The following DYNLRB1 variants were observed in gnomAD, a reference collection of about 807,000 sequenced individuals.
The protein encoded by DYNLRB1 is dynein light chain roadblock-type 1, also known as ROBL/LC7-like 1.
A neutral mutation model predicts 13.5 loss-of-function variants in DYNLRB1; 6 were observed. The ratio of observed to expected loss-of-function variants is 0.44; its 90% confidence interval spans 0.24 to 0.88. The LOEUF (loss-of-function observed/expected upper bound fraction) is 0.88, where lower values mean the gene tolerates loss of function less well. Ranked by LOEUF, DYNLRB1 falls within the 40% of genes least tolerant of loss-of-function variation. DYNLRB1 has a pLI of 0.21. For synonymous variants in DYNLRB1, 43 were observed against 45.0 expected, an observed-to-expected ratio of 0.96 and a Z score of 0.18; for missense variants, 93 against 127.2, an observed-to-expected ratio of 0.73 and a Z score of 1.29.
intron 1 of DYNLRB1, among the ~76,000 whole-genome samples, chr20:34,523,214 C>A (rs1380791583): frequency 6.6e-6 from 1 of 152,128 alleles, no homozygotes; most frequent in African/African-American, 2.4e-5. Flanking sequence ...AAGCTTGTTT[C>A]CTTCAGACCG....
chr20:34,540,650 T>A lies in DYNLRB1; in HGVS notation c.*26T>A, dbSNP rs760312537. The A allele has an allele frequency of 6.2e-7, 1 of 1,611,264 alleles. No homozygotes were observed. Among genetic ancestry groups the A allele is most frequent in the Non-Finnish European group, 8.5e-7 (1 of 1,177,952 alleles). On this transcript the variant is annotated 3_prime_UTR_variant, in exon 4 of 4. Transcript: ENST00000357156. ...GCCACTCTCTTGGCTCCCTGTGTCA[T>A]TCCTTAATTTAATGCCCCCCAAGAA...
Position 34,533,017 on chromosome 20 carries a change from G to A in DYNLRB1, c.80-1611G>A, listed in dbSNP as rs192557122. Among the ~76,000 whole-genome samples the A allele has an allele frequency of 1.8e-3, 278 of 152,288 alleles. 1 individual carries two copies. Among genetic ancestry groups the A allele is most frequent in the African/African-American group, 6.2e-3 (259 of 41,558 alleles). ...ATTCCTCAAGTGCCTGTCAGCTGGC[G>A]GGCTCTTGGGGTCCCATGGATGGAG... On this transcript the variant is annotated intron_variant, in intron 2 of 3. Transcript: ENST00000357156.
At chr20:34,534,097 T>C (rs1980931075) in intron 2 of DYNLRB1, among the ~76,000 whole-genome samples, 1 of 152,172 alleles carries the variant, frequency 6.6e-6, no homozygotes, top group Non-Finnish European at 1.5e-5. Context: ...GCCACTGCAC[T>C]CCAGCCTGGG....
intron 1 of DYNLRB1, 37 bp downstream of exon 1, chr20:34,516,498 C>A: frequency 6.2e-7 from 1 of 1,610,738 alleles, no homozygotes; most frequent in East Asian, 2.2e-5. Flanking sequence ...TGGCGGCCGC[C>A]CACCACCCCA....
chr20:34,531,550 G>A (rs1980713759), intron 2 of DYNLRB1, among the ~76,000 whole-genome samples: 1 of 152,158 alleles, frequency 6.6e-6, no homozygotes, highest in Admixed American at 6.5e-5. Context: ...TTTCTTGTCT[G>A]TTTTACACAG....
chr20:34,516,120 C>G (rs1979143122), upstream of DYNLRB1, among the ~76,000 whole-genome samples: 1 of 151,528 alleles, frequency 6.6e-6, no homozygotes, highest in Non-Finnish European at 1.5e-5. Context: ...GTCTCGAACT[C>G]TTGGGCTCAA....
intron 1 of DYNLRB1, among the ~76,000 whole-genome samples, chr20:34,517,938 A>T (rs1979390216): frequency 6.6e-6 from 1 of 152,020 alleles, no homozygotes; most frequent in African/African-American, 2.4e-5. Context: ...CGCCTGGCCC[A>T]CATTTTCTTT....
chr20:34,529,101 G>A (rs1336690641), intron 2 of DYNLRB1, among the ~76,000 whole-genome samples: 2 of 152,216 alleles, frequency 1.3e-5, no homozygotes, highest in African/African-American at 4.8e-5. Context: ...TGGTACAGCA[G>A]TGCCTGTGTC....
At chr20:34,516,610 G>A in intron 1 of DYNLRB1, 149 bp downstream of exon 1, 1 of 1,510,174 alleles carries the variant, frequency 6.6e-7, no homozygotes, top group Non-Finnish European at 8.8e-7. Context: ...GCCGACTTGA[G>A]GGTGGAACCC....
chr20:34,533,964 TTGTCTC>T (rs1308051073), intron 2 of DYNLRB1, among the ~76,000 whole-genome samples: 4 of 152,070 alleles, frequency 2.6e-5, no homozygotes, highest in Admixed American at 2.6e-4. Context: ...TGGTGAAACC[TTGTCTC>T]TACTAAAAAT....
chr20:34,531,827 G>T (rs1980734878), intron 2 of DYNLRB1, among the ~76,000 whole-genome samples: 1 of 152,214 alleles, frequency 6.6e-6, no homozygotes, highest in Non-Finnish European at 1.5e-5. Context: ...GATGGGAAGT[G>T]TCACCCGAAG....
upstream of DYNLRB1, chr20:34,516,272 T>A (rs1218663440): frequency 1.1e-5 from 10 of 926,848 alleles, no homozygotes; most frequent in Non-Finnish European, 1.6e-5. Context: ...CTTTTCGCTT[T>A]GCCACAGTGG....
At chr20:34,516,366 A>G, upstream of DYNLRB1, 3 of 1,569,460 alleles carry the variant, frequency 1.9e-6, no homozygotes, top group South Asian at 2.3e-5. Flanking sequence ...AGGCAGCTAG[A>G]GCTGTCCGTT....
At chr20:34,533,307 C>T (rs1230074017) in intron 2 of DYNLRB1, among the ~76,000 whole-genome samples, 1 of 152,212 alleles carries the variant, frequency 6.6e-6, no homozygotes, top group Non-Finnish European at 1.5e-5. Context: ...CTGTGGACCG[C>T]TCACCTAGTG....
Position 34,535,357 on chromosome 20 carries a change from C to T in DYNLRB1, c.247+562C>T, listed in dbSNP as rs558347333. 46 of 985,314 alleles carry T rather than the reference C, an allele frequency of 4.7e-5. No homozygotes were observed. The South Asian group carries it at 5.2e-4, about 11-fold the overall frequency. 61.0% of individuals were successfully genotyped at this position (985,314 alleles called of 1,614,324 possible). Reference sequence around the variant, plus strand: ...CTTACAGCCAGCTTTTCCTGCCGCACGGGAGCAGATTGCTTTGTTTCCTTT... The same window carrying T: ...CTTACAGCCAGCTTTTCCTGCCGCATGGGAGCAGATTGCTTTGTTTCCTTT... On this transcript the variant is annotated intron_variant, in intron 3 of 3. Transcript: ENST00000357156.
chr20:34,529,963 A>G (rs1329726086), intron 2 of DYNLRB1: 1 of 1,383,714 alleles, frequency 7.2e-7, no homozygotes, highest in Non-Finnish European at 9.4e-7. Flanking sequence ...TCAGCCCTCA[A>G]CTGCCTCGAG....
intron 1 of DYNLRB1, among the ~76,000 whole-genome samples, chr20:34,518,023 A>C (rs1979398463): frequency 1.3e-5 from 2 of 152,118 alleles, no homozygotes; most frequent in Admixed American, 1.3e-4. Flanking sequence ...GAACATGAGG[A>C]TGTAGGGATG....
At position 34,540,490 on chromosome 20, in the gene DYNLRB1, A is replaced by T. The variant is rs1024230447; in HGVS notation, c.248-91A>T. On this transcript the variant is annotated intron_variant, in intron 3 of 3. Transcript: ENST00000357156. Reference sequence around the variant, plus strand: ...GTTGCTTTCTCCCCTTCCTCATTTTATGGTTAGTGATTTAATGGTTTATTT... The same window carrying T: ...GTTGCTTTCTCCCCTTCCTCATTTTTTGGTTAGTGATTTAATGGTTTATTT... 3 of 1,215,226 alleles carry T rather than the reference A, an allele frequency of 2.5e-6. No homozygotes were observed. The African/African-American group carries it at 4.6e-5, about 18-fold the overall frequency. 75.3% of individuals were successfully genotyped at this position (1,215,226 alleles called of 1,614,324 possible).
rs143129219 is a variant in DYNLRB1, at chr20:34,520,060, C to T, written c.3+3599C>T. Among the ~76,000 whole-genome samples the T allele has an allele frequency of 2.8e-3, 433 of 152,210 alleles. 3 individuals carry two copies. Among genetic ancestry groups the T allele is most frequent in the South Asian group, 0.011 (54 of 4,814 alleles). On this transcript the variant is annotated intron_variant, in intron 1 of 3. Coordinates refer to ENST00000357156, the MANE Select transcript of DYNLRB1 (RefSeq NM_014183.4). ...ACTAGAATCGCTTGAACCCGGGAGG[C>T]GGGGGTTGCAGTGATCCGAGACCAG...
Sources: gnomAD v4.1 joint callset for allele counts (sites outside exome capture counted in the v4.1 genomes callset) on GRCh38, gnomAD v4.1.1 for gene constraint, MANE v1.5 for transcripts, NCBI Gene and HGNC (gene_info 2026-07-23, HGNC 2026-07-21) for gene names.